SAMD12: variants seen among roughly 807,000 people sequenced by gnomAD.
SAMD12 encodes the protein sterile alpha motif domain-containing protein 12.
A neutral mutation model predicts 15.0 loss-of-function variants in SAMD12; 9 were observed. The observed-to-expected ratio is 0.60, with a 90% confidence interval of 0.36 to 1.05. SAMD12 has a LOEUF of 1.05. Ranked by LOEUF, SAMD12 falls within the 50% of genes least tolerant of loss-of-function variation. SAMD12 has a pLI of 0.01. For missense variants in SAMD12, 230 were observed against 234.2 expected, an observed-to-expected ratio of 0.98 and a Z score of 0.12; for synonymous variants, 86 against 90.1, an observed-to-expected ratio of 0.96 and a Z score of 0.25.
intron 3 of SAMD12, among the ~76,000 whole-genome samples, chr8:118,411,016 G>A (rs1167178944): frequency 6.6e-6 from 1 of 152,144 alleles, no homozygotes; most frequent in Non-Finnish European, 1.5e-5. Flanking sequence ...CAGTAAGTAA[G>A]AAAAGTATTA....
Position 118,253,233 on chromosome 8 carries a change from G to A in SAMD12, c.434-55501C>T, listed in dbSNP as rs776285043. Among the ~76,000 whole-genome samples the A allele has an allele frequency of 7.9e-5, 12 of 152,110 alleles. No individual in the cohort carries two copies. The South Asian group carries it at 8.3e-4, about 10-fold the overall frequency. ...TGGTTGGCATTTCAATGAGAAACTC[G>A]CAGAAAGGCAGTGTACTATTAGCTC... On this transcript the variant is annotated intron_variant, in intron 4 of 4. Coordinates refer to the SAMD12 transcript ENST00000409003.
the SAMD12 span, among the ~76,000 whole-genome samples, chr8:118,181,650 A>G: frequency 6.6e-6 from 1 of 152,206 alleles, no homozygotes; most frequent in Non-Finnish European, 1.5e-5. Flanking sequence ...CCACTTGTGG[A>G]TACTAAGAGA....
At chr8:118,615,731 CT>C (rs1407810460) in intron 1 of SAMD12, among the ~76,000 whole-genome samples, 5 of 152,212 alleles carry the variant, frequency 3.3e-5, no homozygotes, top group African/African-American at 9.7e-5. Context: ...CCAGTTTCTG[CT>C]TCTCAGCACC....
At chr8:118,485,795 T>C (rs1472132114) in intron 2 of SAMD12, among the ~76,000 whole-genome samples, 11 of 152,224 alleles carry the variant, frequency 7.2e-5, no homozygotes, top group Non-Finnish European at 1.0e-4. Flanking sequence ...TTACTCAATA[T>C]TGGTATGGCA....
rs151211216 is a variant in SAMD12 at position 118,202,316 on chromosome 8, G to A, written c.434-4584C>T. ...GTTCTAATGCTATAGCTGGGGGCCA[G>A]GAAAAGAAACAAAATACCCAGAGGT... On this transcript the variant is annotated intron_variant, in intron 4 of 4. Coordinates refer to the SAMD12 transcript ENST00000409003. Among the ~76,000 whole-genome samples, 7 of 152,324 alleles carry A rather than the reference G, an allele frequency of 4.6e-5. No homozygotes were observed. The East Asian group carries it at 1.3e-3, about 29-fold the overall frequency.
chr8:118,176,232 C>T, the SAMD12 span, among the ~76,000 whole-genome samples: 6,663 of 152,018 alleles, frequency 0.044, 492 homozygotes, highest in African/African-American at 0.15. Flanking sequence ...ACCCGGGAGG[C>T]GGAGGTTGCA....
At chr8:118,558,832 C>T (rs1293513282) in intron 2 of SAMD12, among the ~76,000 whole-genome samples, 1 of 152,142 alleles carries the variant, frequency 6.6e-6, no homozygotes, top group Admixed American at 6.6e-5. Context: ...GCTGGGATTA[C>T]AGGCGTGAGC....
chr8:118,512,064 A>C (rs544751737), intron 2 of SAMD12, among the ~76,000 whole-genome samples: 1 of 152,136 alleles, frequency 6.6e-6, no homozygotes, highest in Admixed American at 6.5e-5. Flanking sequence ...TCACCTTTCA[A>C]CTCTGCATCC....
chr8:118,576,255 T>A (rs1827149789), intron 2 of SAMD12, among the ~76,000 whole-genome samples: 1 of 152,192 alleles, frequency 6.6e-6, no homozygotes, highest in African/African-American at 2.4e-5. Context: ...AAGAAATACA[T>A]TTTTGCATTT....
chr8:118,243,944 TCTTCC>T (rs1434685922), intron 4 of SAMD12, among the ~76,000 whole-genome samples: 1 of 152,140 alleles, frequency 6.6e-6, no homozygotes, highest in Admixed American at 6.6e-5. Context: ...GCACAACTTC[TCTTCC>T]CTGGCACACA....
chr8:118,379,235 G>T lies in SAMD12; in HGVS notation c.*182C>A. 1 of 1,419,732 alleles carries T rather than the reference G, an allele frequency of 7.0e-7. No homozygotes were observed. Among genetic ancestry groups the T allele is most frequent in the South Asian group, 1.5e-5 (1 of 65,480 alleles). The allele number at this position is 1,419,732 out of a possible 1,614,324, so 87.9% of individuals were successfully genotyped here. On this transcript the variant is annotated 3_prime_UTR_variant, in exon 4 of 4. Transcript: ENST00000314727. The stretch of plus-strand genomic sequence containing the variant: ...AGGCTGCACATTATACAACTCTAGT[G>T]AGTGCAATCGTACCCTGATTGATGT...
rs12543034 is a variant in SAMD12 at position 118,534,302 on chromosome 8, A to T, written c.192+46413T>A. Reference sequence around the variant, plus strand: ...CTCTTCTGGCTTGTAGAGTTTCTGCAGAGAGATCCGCTGTTAGTCTGATGG... The same window carrying T: ...CTCTTCTGGCTTGTAGAGTTTCTGCTGAGAGATCCGCTGTTAGTCTGATGG... On this transcript the variant is annotated intron_variant, in intron 2 of 3. Transcript: ENST00000314727. 3.7e-4 allele frequency among the ~76,000 whole-genome samples: 56 copies of T among 151,976 alleles called. No homozygotes were observed. In the East Asian group the frequency reaches 8.7e-3, roughly 24 times the overall value.
chr8:118,525,445 T>C (rs920600835), intron 2 of SAMD12, among the ~76,000 whole-genome samples: 9 of 152,160 alleles, frequency 5.9e-5, no homozygotes, highest in Admixed American at 4.6e-4. Flanking sequence ...AATGCAAGTG[T>C]CATCAGAGCA....
intron 4 of SAMD12, among the ~76,000 whole-genome samples, chr8:118,330,663 G>C (rs1236274917): frequency 6.6e-6 from 1 of 151,986 alleles, no homozygotes; most frequent in Non-Finnish European, 1.5e-5. Context: ...GAGATAAAAA[G>C]GTATCTTATC....
At chr8:118,296,379 C>T (rs937689932) in intron 4 of SAMD12, among the ~76,000 whole-genome samples, 6 of 152,214 alleles carry the variant, frequency 3.9e-5, no homozygotes, top group African/African-American at 9.6e-5. Context: ...TCAAATATCC[C>T]CTCCTCAGAA....
intron 2 of SAMD12, among the ~76,000 whole-genome samples, chr8:118,533,695 T>C (rs1245887264): frequency 1.3e-5 from 2 of 152,248 alleles, no homozygotes; most frequent in African/African-American, 4.8e-5. Flanking sequence ...CATGATGTAA[T>C]GACCTTCTTT....
chr8:118,204,703 G>A (rs1225818578), intron 4 of SAMD12, among the ~76,000 whole-genome samples: 1 of 152,042 alleles, frequency 6.6e-6, no homozygotes, highest in Non-Finnish European at 1.5e-5. Flanking sequence ...GCAATGAGCC[G>A]AGATTGCGTC....
chr8:118,523,408 C>T lies in SAMD12; in HGVS notation c.192+57307G>A, dbSNP rs537579415. On this transcript the variant is annotated intron_variant, in intron 2 of 3. Coordinates refer to ENST00000314727, the MANE Select transcript of SAMD12 (RefSeq NM_207506.3). Reference sequence around the variant, plus strand: ...AATCAGCTCCCATAATCTATCATAACGGTGTGTAGTGCTCTCCCTTTTCAC... The same window carrying T: ...AATCAGCTCCCATAATCTATCATAATGGTGTGTAGTGCTCTCCCTTTTCAC... 5.3e-5 allele frequency among the ~76,000 whole-genome samples: 8 copies of T among 152,260 alleles called. No individual in the cohort carries two copies. The East Asian group carries it at 7.7e-4, about 15-fold the overall frequency.
chr8:118,266,990 C>A (rs1351251132), intron 4 of SAMD12, among the ~76,000 whole-genome samples: 1 of 152,022 alleles, frequency 6.6e-6, no homozygotes, highest in Non-Finnish European at 1.5e-5. Context: ...TTTAAGCATT[C>A]TCGCCACAAA....
Sources: gnomAD v4.1 joint callset for allele counts (sites outside exome capture counted in the v4.1 genomes callset) on GRCh38, gnomAD v4.1.1 for gene constraint, MANE v1.5 for transcripts, NCBI Gene and HGNC (gene_info 2026-07-23, HGNC 2026-07-21) for gene names.